Variants in CDC42SE2 observed in about 807,000 individuals in gnomAD.
CDC42SE2 encodes CDC42 small effector protein 2.
CDC42SE2 carries 3 observed loss-of-function variants against 11.5 expected under a neutral mutation model. The observed-to-expected ratio is 0.26, with a 90% CI of 0.12 to 0.67. The LOEUF is 0.67. Ranked by LOEUF, CDC42SE2 falls within the 30% of genes least tolerant of loss-of-function variation. CDC42SE2 has a pLI of 0.80. For synonymous variants in CDC42SE2, 33 were observed against 34.8 expected (o/e 0.95, Z 0.18); for missense variants, 82 against 106.8 (o/e 0.77, Z 1.02).
At chr5:131,349,730 A>T (rs1224548385) in intron 2 of CDC42SE2, among the ~76,000 whole-genome samples, 1 of 152,180 alleles carries the variant, frequency 6.6e-6, no homozygotes, top group East Asian at 1.9e-4. Context: ...TAAAATAATG[A>T]ATATGAAGAC....
At chr5:131,311,338 G>A (rs1430233954) in intron 1 of CDC42SE2, among the ~76,000 whole-genome samples, 4 of 152,044 alleles carry the variant, frequency 2.6e-5, no homozygotes, top group Non-Finnish European at 5.9e-5. Context: ...GCTTCCCTTT[G>A]TGGGTAACCC....
chr5:131,361,269 G>A (rs1749700702), intron 3 of CDC42SE2, among the ~76,000 whole-genome samples: 2 of 152,006 alleles, frequency 1.3e-5, no homozygotes, highest in Non-Finnish European at 2.9e-5. Flanking sequence ...ACACAGATTA[G>A]GTATTTAAAT....
chr5:131,313,529 G>A (rs1239062612), intron 1 of CDC42SE2, among the ~76,000 whole-genome samples: 1 of 152,100 alleles, frequency 6.6e-6, no homozygotes, highest in Non-Finnish European at 1.5e-5. Context: ...ATTTTGGCAT[G>A]CGGTATGAAT....
intron 2 of CDC42SE2, among the ~76,000 whole-genome samples, chr5:131,355,114 A>T (rs1443912730): frequency 6.6e-6 from 1 of 152,218 alleles, no homozygotes; most frequent in Non-Finnish European, 1.5e-5. Flanking sequence ...AAAATCTGAA[A>T]TCTACATTAC....
At chr5:131,239,768 C>T in the CDC42SE2 span, among the ~76,000 whole-genome samples, 2 of 152,102 alleles carry the variant, frequency 1.3e-5, no homozygotes, top group Non-Finnish European at 2.9e-5. Context: ...ATTCAGATTC[C>T]TCATCTGGAA....
intron 3 of CDC42SE2, among the ~76,000 whole-genome samples, chr5:131,374,814 T>A (rs1168169090): frequency 6.6e-6 from 1 of 152,094 alleles, no homozygotes; most frequent in Non-Finnish European, 1.5e-5. Context: ...GAAACAACAG[T>A]GGACAAGGAA....
At chr5:131,349,272 C>T (rs1381489215) in intron 2 of CDC42SE2, among the ~76,000 whole-genome samples, 1 of 140,880 alleles carries the variant, frequency 7.1e-6, no homozygotes, top group Non-Finnish European at 1.5e-5. Flanking sequence ...CATGTTCTCA[C>T]TCATAGGTGG....
In CDC42SE2 at chr5:131,391,276, T is replaced by C; in HGVS notation, c.*185T>C. 3.9e-6 allele frequency: 1 copy of C among 256,260 alleles called. No homozygotes were observed. The allele number at this position is 256,260 out of a possible 1,614,324, so 15.9% of individuals were successfully genotyped here. A position where few individuals can be genotyped will look rare whatever the true frequency, so the allele number is the denominator to read the frequency against. On this transcript the variant is annotated 3_prime_UTR_variant, in exon 5 of 5. Transcript: ENST00000505065. Reference sequence around the variant, plus strand: ...CTTGGAATGTAAGTTTTAGGTTCTTTTCCTTATTAAGAACTTTAAATACTT... The same window carrying C: ...CTTGGAATGTAAGTTTTAGGTTCTTCTCCTTATTAAGAACTTTAAATACTT...
chr5:131,268,603 C>T (rs968631631), intron 1 of CDC42SE2, among the ~76,000 whole-genome samples: 1 of 151,912 alleles, frequency 6.6e-6, no homozygotes, highest in African/African-American at 2.4e-5. Context: ...CAGGCATGCA[C>T]CACCATGCTC....
intron 2 of CDC42SE2, among the ~76,000 whole-genome samples, chr5:131,348,978 CA>C (rs1758928769): frequency 6.6e-6 from 1 of 152,130 alleles, no homozygotes. Flanking sequence ...ACACCCTATA[CA>C]AAAATTAATT....
intron 1 of CDC42SE2, among the ~76,000 whole-genome samples, chr5:131,278,512 G>C (rs553620071): frequency 8.2e-6 from 1 of 122,594 alleles, no homozygotes; most frequent in Non-Finnish European, 1.8e-5. Flanking sequence ...CTCCATGTGT[G>C]ACATCATGTT....
At chr5:131,234,255 T>C in the CDC42SE2 span, among the ~76,000 whole-genome samples, 85 of 152,344 alleles carry the variant, frequency 5.6e-4, no homozygotes, top group African/African-American at 1.9e-3. Context: ...ATTCATCTTA[T>C]TGAAGTTTTA....
chr5:131,283,598 A>G (rs1198171907), intron 1 of CDC42SE2, among the ~76,000 whole-genome samples: 5 of 151,070 alleles, frequency 3.3e-5, no homozygotes, highest in Admixed American at 1.3e-4. Context: ...GGTTCAAGTG[A>G]TTCTCCTGCC....
chr5:131,303,974 T>C (rs776519797), intron 1 of CDC42SE2, among the ~76,000 whole-genome samples: 1 of 151,936 alleles, frequency 6.6e-6, no homozygotes, highest in Non-Finnish European at 1.5e-5. Context: ...TTTCTTTTTT[T>C]TTTTTGGGAC....
chr5:131,233,383 G>A, the CDC42SE2 span, among the ~76,000 whole-genome samples: 10 of 151,854 alleles, frequency 6.6e-5, no homozygotes, highest in African/African-American at 2.2e-4. Context: ...CAATTTTTTT[G>A]TTTTGGGACA....
intron 1 of CDC42SE2, among the ~76,000 whole-genome samples, chr5:131,300,346 A>C (rs1441776203): frequency 6.6e-6 from 1 of 152,162 alleles, no homozygotes; most frequent in Non-Finnish European, 1.5e-5. Flanking sequence ...TTGGATAAGA[A>C]AGAGAAAATG....
At chr5:131,375,208 G>C (rs1437616294) in intron 3 of CDC42SE2, among the ~76,000 whole-genome samples, 1 of 151,232 alleles carries the variant, frequency 6.6e-6, no homozygotes, top group Non-Finnish European at 1.5e-5. Context: ...TTTGGCCCTT[G>C]AAAAGGTCAC....
the CDC42SE2 span, among the ~76,000 whole-genome samples, chr5:131,235,405 T>G: frequency 6.6e-6 from 1 of 151,522 alleles, no homozygotes; most frequent in Non-Finnish European, 1.5e-5. Flanking sequence ...TTCTCCTGCC[T>G]CAGCCTCCCG....
chr5:131,304,047 C>G (rs1223701375), intron 1 of CDC42SE2, among the ~76,000 whole-genome samples: 2 of 151,928 alleles, frequency 1.3e-5, no homozygotes, highest in Admixed American at 6.6e-5. Context: ...GCAACCTTGA[C>G]CTTCCCGGCC....
Sources: gnomAD v4.1 joint callset for allele counts (sites outside exome capture counted in the v4.1 genomes callset) on GRCh38, gnomAD v4.1.1 for gene constraint, MANE v1.5 for transcripts, NCBI Gene and HGNC (gene_info 2026-07-23, HGNC 2026-07-21) for gene names.